Variants in SEC23IP observed in about 807,000 individuals in gnomAD.
SEC23IP encodes the protein SEC23 interacting protein, also known as SEC23-interacting protein.
A neutral mutation model predicts 113.4 loss-of-function variants in SEC23IP; 70 were observed. The ratio of observed to expected loss-of-function variants is 0.62; its 90% CI spans 0.51 to 0.75. The LOEUF (loss-of-function observed/expected upper bound fraction) is 0.75, where lower values mean the gene tolerates loss of function less well. SEC23IP is among the 30% of genes least tolerant of loss of function. The pLI, the probability that SEC23IP is intolerant of heterozygous loss-of-function variation, is 0.00. For synonymous variants in SEC23IP, 398 were observed against 421.0 expected, an observed-to-expected ratio of 0.95 and a Z score of 0.67; for missense variants, 1,160 against 1,204.9, an observed-to-expected ratio of 0.96 and a Z score of 0.55.
chr10:119,913,617 G>A (rs899033694), intron 6 of SEC23IP, among the ~76,000 whole-genome samples: 1 of 151,250 alleles, frequency 6.6e-6, no homozygotes, highest in African/African-American at 2.4e-5. Flanking sequence ...TCAGCCTCCC[G>A]AGTAGCTGGG....
At chr10:119,939,565 C>G (rs562800350) in intron 18 of SEC23IP, among the ~76,000 whole-genome samples, 33 of 152,210 alleles carry the variant, frequency 2.2e-4, no homozygotes, top group African/African-American at 7.9e-4. Context: ...GTCCCAGCTA[C>G]TTGGGAGGCT....
chr10:119,940,165 A>G (rs1336622852), intron 18 of SEC23IP, among the ~76,000 whole-genome samples: 1 of 150,924 alleles, frequency 6.6e-6, no homozygotes, highest in Non-Finnish European at 1.5e-5. Context: ...GTTTGTCAGT[A>G]AAGTTGAGCA....
chr10:119,932,228 C>G lies in SEC23IP; in HGVS notation c.2668C>G (p.Arg890Gly), dbSNP rs752014793. The change falls in exon 16 of 19, where the codon CGT becomes GGT. Residue 890 changes from arginine to glycine, a missense_variant. Transcript: ENST00000369075. Reference sequence around the variant, plus strand: ...TTGGCAGACATTAAATGAGTTTGCCCGTGCTCATACGTCTTCAACCCAGTT... The same window carrying G: ...TTGGCAGACATTAAATGAGTTTGCCGGTGCTCATACGTCTTCAACCCAGTT... ...SAWQTLNEFA[R>G]AHTSSTQLQE... 2 of 1,612,950 alleles carry G rather than the reference C, an allele frequency of 1.2e-6. No homozygotes were observed. The highest frequency in any genetic ancestry group is 2.7e-5 in the African/African-American group (2 of 74,848).
chr10:119,936,206 G>C (rs1855774987), intron 18 of SEC23IP, among the ~76,000 whole-genome samples: 1 of 152,002 alleles, frequency 6.6e-6, no homozygotes, highest in Admixed American at 6.6e-5. Flanking sequence ...GCCAATCTCT[G>C]TTTGCTTTGG....
At chr10:119,915,950 C>G in intron 8 of SEC23IP, 61 bp downstream of exon 8, 4 of 1,303,046 alleles carry the variant, frequency 3.1e-6, no homozygotes, top group Non-Finnish European at 4.1e-6. Flanking sequence ...AGATTTAAAC[C>G]GTAATATGAA....
At chr10:119,899,003 T>A in intron 2 of SEC23IP, 44 bp downstream of exon 2, 1 of 1,437,136 alleles carries the variant, frequency 7.0e-7, no homozygotes, top group Non-Finnish European at 9.3e-7. Flanking sequence ...ACTCTGTGTC[T>A]TCTTTCTCAC....
intron 4 of SEC23IP, among the ~76,000 whole-genome samples, chr10:119,905,981 A>G (rs977570469): frequency 2.0e-5 from 3 of 152,172 alleles, no homozygotes; most frequent in Admixed American, 1.3e-4. Flanking sequence ...GGTGACCTCA[A>G]GAAATGGAGC....
At chr10:119,920,850 A>G in intron 11 of SEC23IP, 39 bp from the exon 12 acceptor site, 1 of 1,323,102 alleles carries the variant, frequency 7.6e-7, no homozygotes, top group Non-Finnish European at 1.1e-6. Context: ...TTCTTCTATC[A>G]CTAGATTGAT....
Position 119,933,059 on chromosome 10 carries a change from A to G in SEC23IP, c.2813A>G (p.Lys938Arg). 6.2e-7 allele frequency: 1 copy of G among 1,614,142 alleles called. No homozygotes were observed. The highest frequency in any genetic ancestry group is 8.5e-7 in the Non-Finnish European group (1 of 1,179,966). ...DFSKDEDYLGKVGMLNGGRRI... is the reference protein window; with the variant it reads ...DFSKDEDYLGRVGMLNGGRRI... ...TCCAAGGATGAGGACTACTTAGGAAAGGTTGGAATGTTAAATGGAGGCCGC... is the reference window on the plus strand; with the variant it reads ...TCCAAGGATGAGGACTACTTAGGAAGGGTTGGAATGTTAAATGGAGGCCGC... Residue 938 changes from lysine (K) to arginine (R), a missense_variant, in exon 17 of 19, where the codon AAG becomes AGG. Lys to Arg is a conservative substitution (Grantham distance 26). Coordinates refer to ENST00000369075, the MANE Select transcript of SEC23IP (RefSeq NM_007190.4).
At chr10:119,936,221 A>G (rs1309536413) in intron 18 of SEC23IP, among the ~76,000 whole-genome samples, 3 of 152,176 alleles carry the variant, frequency 2.0e-5, no homozygotes, top group African/African-American at 7.2e-5. Flanking sequence ...CTTTGGATAC[A>G]TTCTTAGAAG....
chr10:119,900,938 T>C (rs1204423349), intron 2 of SEC23IP, among the ~76,000 whole-genome samples: 1 of 150,810 alleles, frequency 6.6e-6, no homozygotes, highest in Non-Finnish European at 1.5e-5. Flanking sequence ...ATGGTTTCTA[T>C]AATCTATTTT....
intron 4 of SEC23IP, among the ~76,000 whole-genome samples, chr10:119,905,204 G>A (rs1854625196): frequency 6.6e-6 from 1 of 151,938 alleles, no homozygotes; most frequent in Non-Finnish European, 1.5e-5. Context: ...AGAAAAAAGT[G>A]TAAAGGAATG....
chr10:119,900,934 T>C (rs1854470666), intron 2 of SEC23IP, among the ~76,000 whole-genome samples: 1 of 151,148 alleles, frequency 6.6e-6, no homozygotes, highest in African/African-American at 2.4e-5. Flanking sequence ...ACCTATGGTT[T>C]CTATAATCTA....
chr10:119,894,273 A>G (rs529570933), intron 1 of SEC23IP, among the ~76,000 whole-genome samples: 5 of 152,324 alleles, frequency 3.3e-5, no homozygotes, highest in African/African-American at 1.2e-4. Flanking sequence ...GGCCTAGTAC[A>G]TAGATCCTCT....
In SEC23IP at chr10:119,903,459, C is replaced by T. The variant is rs183179555; in HGVS notation, c.907+450C>T. Among the ~76,000 whole-genome samples the T allele has an allele frequency of 2.0e-4, 30 of 152,248 alleles. No individual in the cohort carries two copies. In the East Asian group the frequency reaches 5.4e-3, roughly 27 times the overall value. The stretch of plus-strand genomic sequence containing the variant: ...GAGTACATTAATGCTTTGAGAAGTC[C>T]TGCAGTGTAGAAATGTGTTTCTTTG... On this transcript the variant is annotated intron_variant, in intron 3 of 18. Coordinates refer to ENST00000369075, the MANE Select transcript of SEC23IP (RefSeq NM_007190.4).
At chr10:119,926,868 T>C (rs775165243) in intron 13 of SEC23IP, among the ~76,000 whole-genome samples, 4 of 152,234 alleles carry the variant, frequency 2.6e-5, no homozygotes, top group Non-Finnish European at 5.9e-5. Context: ...TAAATGTTCC[T>C]TTACAACTTC....
In SEC23IP at chr10:119,928,034, C is replaced by T. The variant is rs545164900; in HGVS notation, c.2314-1573C>T. Among the ~76,000 whole-genome samples the T allele has an allele frequency of 5.3e-5, 8 of 152,288 alleles. 1 individual carries two copies. In the East Asian group the frequency reaches 1.4e-3, roughly 26 times the overall value. On this transcript the variant is annotated intron_variant, in intron 13 of 18. Transcript: ENST00000369075. ...ATGTAGTAGTTTCACTTTGACAACG[C>T]TATTGTAAAGAATTAATTTTTTGTG...
Position 119,929,728 on chromosome 10 carries a change from C to G in SEC23IP, c.2435C>G (p.Pro812Arg). 7.5e-6 allele frequency: 12 copies of G among 1,600,932 alleles called. No homozygotes were observed. The highest frequency in any genetic ancestry group is 9.4e-6 in the Non-Finnish European group (11 of 1,168,112). ...VDRIDENYSL[P>R]TCKGFFNIYH... is the part of the protein sequence containing the mutation. The stretch of plus-strand genomic sequence containing the variant: ...AGGATAGATGAGAATTACAGCCTTC[C>G]TACCTGTAAAGGGTTCTTCAATATT... Residue 812 changes from proline to arginine, a missense_variant, in exon 14 of 19, where the codon CCT (proline) becomes CGT (arginine). By Grantham distance (103) the Pro-to-Arg change is moderately radical (BLOSUM62 -2). Coordinates refer to ENST00000369075, the MANE Select transcript of SEC23IP (RefSeq NM_007190.4).
intron 13 of SEC23IP, among the ~76,000 whole-genome samples, chr10:119,927,158 A>C (rs1485339836): frequency 1.3e-5 from 2 of 152,220 alleles, no homozygotes; most frequent in East Asian, 3.8e-4. Context: ...TTGGCTTCGC[A>C]AAGTGCCAGG....
Sources: gnomAD v4.1 joint callset for allele counts (sites outside exome capture counted in the v4.1 genomes callset) on GRCh38, gnomAD v4.1.1 for gene constraint, MANE v1.5 for transcripts, NCBI Gene and HGNC (gene_info 2026-07-23, HGNC 2026-07-21) for gene names.